The following FAT3 variants were observed in gnomAD, a reference collection of about 807,000 sequenced individuals.
The protein encoded by FAT3 is protocadherin Fat 3.
In FAT3, 95 loss-of-function variants were observed where a neutral mutation model predicts 310.2. The observed-to-expected ratio is 0.31, with a 90% CI of 0.26 to 0.36. FAT3 has a LOEUF of 0.36. Among genes scored for constraint, FAT3 ranks in the 10% least tolerant of loss-of-function variants. The probability of loss-of-function intolerance (pLI) is 1.00; values close to 1 mark genes in which losing one functional copy is unlikely to be tolerated. For synonymous variants in FAT3, 2,314 were observed against 2,192.9 expected, an observed-to-expected ratio of 1.06 and a Z score of -1.54; for missense variants, 5,408 against 5,715.6, an observed-to-expected ratio of 0.95 and a Z score of 1.74.
chr11:92,577,351 C>T (rs546429656), intron 3 of FAT3, among the ~76,000 whole-genome samples: 5 of 152,082 alleles, frequency 3.3e-5, no homozygotes, highest in East Asian at 3.9e-4. Flanking sequence ...TCAGGTAATC[C>T]ACCCACCTCA....
chr11:92,618,437 G>T (rs561149212), intron 3 of FAT3, among the ~76,000 whole-genome samples: 3 of 152,266 alleles, frequency 2.0e-5, no homozygotes, highest in East Asian at 3.9e-4. Context: ...CCAGGGTGAG[G>T]CAATGCCCCG....
intron 1 of FAT3, among the ~76,000 whole-genome samples, chr11:92,227,042 G>C (rs1329674051): frequency 3.9e-5 from 6 of 152,210 alleles, no homozygotes; most frequent in African/African-American, 1.2e-4. Context: ...GGGCGCCCAG[G>C]GGGAGGGGGC....
intron 3 of FAT3, among the ~76,000 whole-genome samples, chr11:92,649,464 G>A (rs184023888): frequency 1.3e-5 from 2 of 152,218 alleles, no homozygotes; most frequent in East Asian, 3.9e-4. Flanking sequence ...TCCTGAAATT[G>A]GTTATTTTCT....
chr11:92,342,742 C>T (rs1948298628), intron 1 of FAT3, among the ~76,000 whole-genome samples: 1 of 151,882 alleles, frequency 6.6e-6, no homozygotes, highest in African/African-American at 2.4e-5. Context: ...TTTTAAAAAT[C>T]GTAAGCATGA....
chr11:92,436,519 T>A (rs1312152879), intron 2 of FAT3, among the ~76,000 whole-genome samples: 3 of 152,162 alleles, frequency 2.0e-5, no homozygotes, highest in Non-Finnish European at 4.4e-5. Context: ...TTCTACCCTG[T>A]AGACTTCAGA....
intron 3 of FAT3, among the ~76,000 whole-genome samples, chr11:92,537,237 T>C (rs1388572440): frequency 3.9e-5 from 6 of 152,108 alleles, no homozygotes; most frequent in African/African-American, 1.4e-4. Context: ...TCTTTGAGTC[T>C]ATATATGAGA....
intron 12 of FAT3, among the ~76,000 whole-genome samples, chr11:92,807,615 G>A (rs1475646763): frequency 1.3e-5 from 2 of 152,130 alleles, no homozygotes; most frequent in Non-Finnish European, 2.9e-5. Flanking sequence ...GCAATTTATA[G>A]GAAGGAGAAT....
At chr11:92,386,473 T>G (rs1949623602) in intron 2 of FAT3, among the ~76,000 whole-genome samples, 1 of 152,226 alleles carries the variant, frequency 6.6e-6, no homozygotes, top group South Asian at 2.1e-4. Flanking sequence ...GTTGTTCATG[T>G]ATCTGGTCCC....
At chr11:92,529,585 G>T (rs774890393) in intron 3 of FAT3, among the ~76,000 whole-genome samples, 9 of 151,810 alleles carry the variant, frequency 5.9e-5, no homozygotes, top group Non-Finnish European at 1.2e-4. Flanking sequence ...CCTTCTGAGA[G>T]ACCTACTTCT....
In FAT3 at chr11:92,831,777, G is replaced by A. The variant is rs1948262970; in HGVS notation, c.9637G>A (p.Gly3213Arg). 6.2e-7 allele frequency: 1 copy of A among 1,613,436 alleles called. No homozygotes were observed. The highest frequency in any genetic ancestry group is 8.5e-7 in the Non-Finnish European group (1 of 1,179,754). Reference protein sequence around the residue: ...ISVRATDQSPGQSLSSLTTVT... With the variant: ...ISVRATDQSPRQSLSSLTTVT... ...CGTGCGGGCCACTGACCAGAGTCCT[G>A]GACAGTCCCTGTCCTCTCTCACTAC... Residue 3213 changes from glycine to arginine, a missense_variant, in exon 14 of 28, where the codon GGA becomes AGA. Transcript: ENST00000525166.
intron 11 of FAT3, among the ~76,000 whole-genome samples, chr11:92,805,597 G>A (rs1947484328): frequency 6.6e-6 from 1 of 151,240 alleles, no homozygotes; most frequent in Admixed American, 6.6e-5. Context: ...AGAAACCAAT[G>A]TCTTAAATAA....
At chr11:92,654,939 G>A (rs1176134728) in intron 3 of FAT3, among the ~76,000 whole-genome samples, 3 of 151,202 alleles carry the variant, frequency 2.0e-5, no homozygotes, top group Non-Finnish European at 4.4e-5. Context: ...TCTTGTAGCA[G>A]CTTCCATGGC....
chr11:92,753,638 A>T (rs1054749597), intron 4 of FAT3, among the ~76,000 whole-genome samples: 1 of 152,092 alleles, frequency 6.6e-6, no homozygotes, highest in Non-Finnish European at 1.5e-5. Flanking sequence ...GGACAGCCAT[A>T]ATGGAAAATA....
At chr11:92,765,142 C>G in intron 6 of FAT3, 53 bp downstream of exon 6, 2 of 1,029,636 alleles carry the variant, frequency 1.9e-6, no homozygotes, top group South Asian at 2.6e-5. Context: ...TTGACTGAAG[C>G]AACTAGGAAA....
chr11:92,475,040 G>C (rs188220895), intron 2 of FAT3, among the ~76,000 whole-genome samples: 1 of 151,954 alleles, frequency 6.6e-6, no homozygotes, highest in Non-Finnish European at 1.5e-5. Flanking sequence ...TCCTTTCTTC[G>C]TACCCACCTT....
chr11:92,401,032 A>T (rs372536384), intron 2 of FAT3, among the ~76,000 whole-genome samples: 1 of 152,190 alleles, frequency 6.6e-6, no homozygotes, highest in Non-Finnish European at 1.5e-5. Flanking sequence ...CAACCGTGAC[A>T]TATATAGAGT....
In FAT3 at chr11:92,844,322, G is replaced by A. The variant is rs891040440; in HGVS notation, c.10955G>A (p.Arg3652His). 3 of 1,613,948 alleles carry A rather than the reference G, an allele frequency of 1.9e-6. No individual in the cohort carries two copies. Among genetic ancestry groups the A allele is most frequent in the Non-Finnish European group, 1.7e-6 (2 of 1,179,900 alleles). ...HEMLQNTVTI[R>H]FENVSPEDFV... ...ATGCTGCAGAACACTGTCACCATCC[G>A]CTTTGAAAATGTGTCCCCTGAGGAC... is the stretch of plus-strand genomic sequence containing the variant. The change falls in exon 19 of 28, where the codon CGC becomes CAC. Residue 3652 changes from arginine to histidine, a missense_variant. Arg to His is a conservative substitution (Grantham distance 29). This residue lies in a region of FAT3 where 4,588 missense variants were observed against 4,809.8 expected (regional missense o/e 0.95). Transcript: ENST00000525166.
intron 3 of FAT3, among the ~76,000 whole-genome samples, chr11:92,648,152 G>A (rs1942233774): frequency 6.6e-6 from 1 of 152,196 alleles, no homozygotes; most frequent in African/African-American, 2.4e-5. Context: ...GACAGTAGTG[G>A]TAGGTAGGGT....
chr11:92,286,883 A>C (rs1448723177), intron 1 of FAT3, among the ~76,000 whole-genome samples: 1 of 152,164 alleles, frequency 6.6e-6, no homozygotes, highest in Non-Finnish European at 1.5e-5. Context: ...AAAAGACAGT[A>C]TGTGTGGAAT....
Sources: gnomAD v4.1 joint callset for allele counts (sites outside exome capture counted in the v4.1 genomes callset) on GRCh38, gnomAD v4.1.1 for gene constraint, gnomAD v4.1.1 regional missense constraint, MANE v1.5 for transcripts, NCBI Gene and HGNC (gene_info 2026-07-23, HGNC 2026-07-21) for gene names.